MGRN1: variants seen among roughly 807,000 people sequenced by gnomAD.
The protein encoded by MGRN1 is E3 ubiquitin-protein ligase MGRN1.
MGRN1 carries 29 observed loss-of-function variants against 69.2 expected under a neutral mutation model. The observed-to-expected ratio is 0.42, with a 90% CI of 0.31 to 0.57. The LOEUF is 0.57. Among genes scored for constraint, MGRN1 ranks in the 20% least tolerant of loss-of-function variants. The pLI is 0.15. For missense variants in MGRN1, 998 were observed against 796.2 expected (o/e 1.25, Z -3.05); for synonymous variants, 470 against 344.2 (o/e 1.37, Z -4.04).
chr16:4,630,109 T>G (rs1422437811), intron 1 of MGRN1, among the ~76,000 whole-genome samples: 2 of 150,352 alleles, frequency 1.3e-5, no homozygotes, highest in African/African-American at 2.5e-5. Flanking sequence ...CCTAGCACTT[T>G]GGGAGACTGA....
rs2079313806 is a variant in MGRN1, at chr16:4,686,196, CTGTGCTG to C, written c.1618+2265_1618+2271del. 6 of 1,527,770 alleles carry C rather than the reference CTGTGCTG, an allele frequency of 3.9e-6. No individual in the cohort carries two copies. In the African/African-American group the frequency reaches 5.5e-5, roughly 14 times the overall value. The allele number at this position is 1,527,770 out of a possible 1,614,324, so 94.6% of individuals were successfully genotyped here. A position where few individuals can be genotyped will look rare whatever the true frequency, so the allele number is the denominator to read the frequency against. ...CCCCAAGCTGGTGCCCTTGCTGTGG[CTGTGCTG>C]GCTGCTGCGCGCTTGCTAACCGAGC... On this transcript the variant is annotated intron_variant, in intron 16 of 16. Coordinates refer to ENST00000262370, the MANE Select transcript of MGRN1 (RefSeq NM_015246.4).
chr16:4,642,466 TTGTGTGTGTG>T (rs143119735), intron 1 of MGRN1, among the ~76,000 whole-genome samples: 472 of 141,812 alleles, frequency 3.3e-3, no homozygotes, highest in African/African-American at 0.012. Context: ...GCCAGCTAAT[TTGTGTGTGTG>T]TGTGTGTGTG....
intron 8 of MGRN1, chr16:4,669,393 C>T (rs997815162): frequency 9.6e-5 from 14 of 146,002 alleles, no homozygotes; most frequent in African/African-American, 3.6e-4. Flanking sequence ...GAGATCATGC[C>T]ACTGCACTCC....
At chr16:4,629,150 ATGTGTGTGTG>A (rs377682804) in intron 1 of MGRN1, among the ~76,000 whole-genome samples, 244 of 127,694 alleles carry the variant, frequency 1.9e-3, no homozygotes, top group African/African-American at 5.2e-3. Flanking sequence ...TTCTGTTCGT[ATGTGTGTGTG>A]TGTGTGTGTG....
At chr16:4,670,815 C>T (rs967101605) in intron 8 of MGRN1, among the ~76,000 whole-genome samples, 1 of 152,232 alleles carries the variant, frequency 6.6e-6, no homozygotes, top group Non-Finnish European at 1.5e-5. Context: ...GAGAGCTGAC[C>T]AGCAGGCCCT....
chr16:4,671,061 C>T (rs1350890209), intron 8 of MGRN1, among the ~76,000 whole-genome samples: 1 of 152,196 alleles, frequency 6.6e-6, no homozygotes, highest in Non-Finnish European at 1.5e-5. Flanking sequence ...GGCGTCAGCT[C>T]CTGCTTTCCT....
In MGRN1 at chr16:4,650,462, C is replaced by G. The variant is rs200491862; in HGVS notation, c.186C>G (p.Phe62Leu). 1.6e-4 allele frequency: 264 copies of G among 1,613,652 alleles called. No homozygotes were observed. The highest frequency in any genetic ancestry group is 2.2e-4 in the Non-Finnish European group (255 of 1,179,868). ...TTGGAGAGAACATGGATCTGAACTT[C>G]CTGGGCAGCCGCCCGGTCCAGGTGG... ...YLFGENMDLN[F>L]LGSRPVQFPY... The change falls in exon 2 of 17, where the codon TTC becomes TTG. Residue 62 changes from phenylalanine (F) to leucine (L), a missense_variant. Transcript: ENST00000262370.
At chr16:4,647,175 T>C (rs2078292039) in intron 1 of MGRN1, among the ~76,000 whole-genome samples, 1 of 152,210 alleles carries the variant, frequency 6.6e-6, no homozygotes, top group Non-Finnish European at 1.5e-5. Flanking sequence ...GAGTCCTTCA[T>C]GTGGTTTTCA....
At chr16:4,679,959 T>C (rs1031610901) in intron 11 of MGRN1, 73 bp from the exon 12 acceptor site, 51 of 1,412,624 alleles carry the variant, frequency 3.6e-5, no homozygotes, top group African/African-American at 1.0e-4. Flanking sequence ...GGACAGCCAG[T>C]CAGACCTGTC....
At chr16:4,681,200 C>A (rs1394623602) in intron 12 of MGRN1, 3 of 305,486 alleles carry the variant, frequency 9.8e-6, no homozygotes, top group Non-Finnish European at 1.8e-5. Flanking sequence ...GCTCTGCCCC[C>A]GCTCCCAGCT....
intron 9 of MGRN1, chr16:4,672,545 G>A (rs1268161259): frequency 1.6e-5 from 7 of 438,802 alleles, no homozygotes; most frequent in Non-Finnish European, 2.8e-5. Context: ...CATACCAGGG[G>A]GCGGCCCACT....
chr16:4,655,556 C>T (rs1482831013), intron 4 of MGRN1, among the ~76,000 whole-genome samples: 1 of 151,912 alleles, frequency 6.6e-6, no homozygotes, highest in Admixed American at 6.5e-5. Flanking sequence ...AGAGCAGGAA[C>T]AGCTCCAGTG....
rs566570978 is a variant in MGRN1 at position 4,688,875 on chromosome 16, C to T, written c.1698C>T (p.Pro566=). ...GGCCTCCACTTGGTGGCCCCAGCCC[C>T]GATCCCAGCGCCGCCGAGCTGACCC... ...PTWPPLGGPS[P]DPSAAELTPL Residue 566 remains proline, a synonymous_variant, in exon 17 of 17, where the codon CCC becomes CCT. Transcript: ENST00000262370. 7.9e-5 allele frequency: 122 copies of T among 1,552,996 alleles called. No individual in the cohort carries two copies. Among genetic ancestry groups the T allele is most frequent in the African/African-American group, 6.1e-4 (45 of 73,180 alleles).
chr16:4,657,785 G>A (rs112782450), intron 5 of MGRN1, among the ~76,000 whole-genome samples: 1 of 117,312 alleles, frequency 8.5e-6, no homozygotes, highest in Non-Finnish European at 1.6e-5. Flanking sequence ...TCGCTCTGTC[G>A]CCCAGGCTGC....
intron 5 of MGRN1, among the ~76,000 whole-genome samples, chr16:4,662,515 C>CA (rs752715716): frequency 0.013 from 1,726 of 132,352 alleles, 13 homozygotes; most frequent in South Asian, 0.025. Context: ...GACTCTGTCT[C>CA]AAAAAAAAAA....
chr16:4,677,789 G>T (rs1157297340), intron 11 of MGRN1, among the ~76,000 whole-genome samples: 1 of 151,578 alleles, frequency 6.6e-6, no homozygotes, highest in East Asian at 1.9e-4. Context: ...CAGTACCAGA[G>T]CCTGCGACAA....
chr16:4,657,433 C>T, intron 5 of MGRN1, 70 bp downstream of exon 5: 1 of 1,416,402 alleles, frequency 7.1e-7, no homozygotes, highest in South Asian at 1.2e-5. Context: ...GTGGGGCCAG[C>T]ACAGTGGGGT....
intron 8 of MGRN1, among the ~76,000 whole-genome samples, chr16:4,669,462 C>T (rs1203900309): frequency 7.1e-6 from 1 of 141,004 alleles, no homozygotes; most frequent in Non-Finnish European, 1.6e-5. Flanking sequence ...GTGCAACAGC[C>T]TGTTGACTTC....
chr16:4,684,076 G>T (rs897737138), intron 16 of MGRN1, 144 bp downstream of exon 16: 4 of 756,618 alleles, frequency 5.3e-6, no homozygotes, highest in Non-Finnish European at 6.4e-6. Flanking sequence ...CCATGCCCCT[G>T]CTATTGACCG....
Sources: allele counts gnomAD v4.1 joint callset (sites outside exome capture counted in the v4.1 genomes callset), GRCh38; gene constraint gnomAD v4.1.1; transcripts MANE v1.5; gene names NCBI Gene and HGNC (gene_info 2026-07-23, HGNC 2026-07-21).